The following LTBP2 variants were observed in gnomAD, a reference collection of about 807,000 sequenced individuals.
The protein encoded by LTBP2 is latent transforming growth factor beta binding protein 2.
In LTBP2, 103 loss-of-function variants were observed where a neutral mutation model predicts 210.6. That is an observed-to-expected ratio of 0.49 (90% confidence interval 0.42 to 0.58). The LOEUF (loss-of-function observed/expected upper bound fraction) is 0.58. LTBP2 is among the 20% of genes least tolerant of loss of function. The pLI, the probability that LTBP2 is intolerant of heterozygous loss-of-function variation, is 0.00. For missense variants in LTBP2, 2,313 were observed against 2,494.5 expected (o/e 0.93, Z 1.55); for synonymous variants, 1,007 against 1,015.0 (o/e 0.99, Z 0.15).
Position 74,532,495 on chromosome 14 carries a change from T to G in LTBP2, c.1918A>C (p.Thr640Pro). 1 of 1,614,202 alleles carries G rather than the reference T, an allele frequency of 6.2e-7. No individual in the cohort carries two copies. Among genetic ancestry groups the G allele is most frequent in the Non-Finnish European group, 8.5e-7 (1 of 1,180,026 alleles). ...GLCKDAECVN[T>P]RGSYLCTCRP... The stretch of plus-strand genomic sequence containing the variant: ...CATGTGCACAGGTAGCTGCCCCTGG[T>G]ATTCACACACTCCGCGTCCTTGCAC... Residue 640 changes from threonine (T) to proline (P), a missense_variant, in exon 10 of 36, where the codon ACC becomes CCC. Physicochemically the swap from Thr to Pro is conservative, Grantham distance 38. Around this residue, in one of 3 missense-constraint regions of LTBP2, gnomAD observed 1,867 missense variants for 1,976.9 expected, o/e 0.94. Transcript: ENST00000261978.
At chr14:74,517,441 GCT>G (rs375774149) in intron 17 of LTBP2, among the ~76,000 whole-genome samples, 29 of 152,116 alleles carry the variant, frequency 1.9e-4, no homozygotes, top group African/African-American at 6.0e-4. Flanking sequence ...GCAACCTCCG[GCT>G]CACTGCAACC....
intron 27 of LTBP2, 108 bp from the exon 28 acceptor site, chr14:74,506,299 G>A: frequency 1.4e-6 from 2 of 1,429,390 alleles, no homozygotes; most frequent in Non-Finnish European, 2.0e-6. Context: ...CCTTGGGGAA[G>A]AAACAAGAGT....
At chr14:74,544,706 T>C (rs138178714) in intron 8 of LTBP2, among the ~76,000 whole-genome samples, 1 of 152,234 alleles carries the variant, frequency 6.6e-6, no homozygotes, top group Non-Finnish European at 1.5e-5. Flanking sequence ...TTTTCAAACA[T>C]CTCTAAAAAC....
At position 74,525,192 on chromosome 14, in the gene LTBP2, C is replaced by T. The variant is rs776897363; in HGVS notation, c.2462G>A (p.Gly821Glu). The change falls in exon 15 of 36, where the codon GGG becomes GAG. Residue 821 changes from glycine (G) to glutamate (E), a missense_variant. By Grantham distance (98) the Gly-to-Glu change is moderately conservative. Coordinates refer to ENST00000261978, the MANE Select transcript of LTBP2 (RefSeq NM_000428.3). Reference protein sequence around the residue: ...NATTPPMPEQGIAEIQEEQVT... With the variant: ...NATTPPMPEQEIAEIQEEQVT... ...TTGTTCTTCCTGTATCTCTGCAATC[C>T]CCTGTTCAGGCATTGGTGGGGTTGT... 2.7e-5 allele frequency: 36 copies of T among 1,331,462 alleles called. No homozygotes were observed. In the East Asian group the frequency reaches 9.7e-4, roughly 36 times the overall value. The allele number at this position is 1,331,462 out of a possible 1,614,324, so 82.5% of individuals were successfully genotyped here.
At chr14:74,516,210 C>A (rs1458454733) in intron 18 of LTBP2, among the ~76,000 whole-genome samples, 1 of 152,236 alleles carries the variant, frequency 6.6e-6, no homozygotes, top group African/African-American at 2.4e-5. Flanking sequence ...GACACCCCAG[C>A]CTGACAGGGA....
chr14:74,572,340 A>T (rs199709938), intron 3 of LTBP2, among the ~76,000 whole-genome samples: 127 of 147,074 alleles, frequency 8.6e-4, no homozygotes, highest in African/African-American at 2.7e-3. Context: ...AGAGAGAGAG[A>T]GTGTGTGTGT....
At chr14:74,511,808 G>C (rs1324511694) in intron 18 of LTBP2, among the ~76,000 whole-genome samples, 2 of 152,182 alleles carry the variant, frequency 1.3e-5, no homozygotes, top group Non-Finnish European at 2.9e-5. Context: ...AGGCAACTTG[G>C]GCTTCCTTGC....
intron 3 of LTBP2, among the ~76,000 whole-genome samples, chr14:74,573,924 G>C (rs1029522483): frequency 6.6e-6 from 1 of 152,126 alleles, no homozygotes; most frequent in Admixed American, 6.5e-5. Flanking sequence ...GAACACACTT[G>C]ATAGCACGAC....
At position 74,506,058 on chromosome 14, in the gene LTBP2, C is replaced by CT; in HGVS notation, c.4166_4167insA (p.Ala1391GlyfsTer8). 1.2e-6 allele frequency: 2 copies of CT among 1,614,148 alleles called. No homozygotes were observed. The highest frequency in any genetic ancestry group is 1.7e-6 in the Non-Finnish European group (2 of 1,180,028). ...TCTCCCAGGCCTCACCTCCAGCCCC[C>CT]CGTGGGCGGCAGTGCCCCTCCTGGG... On this transcript the variant is annotated frameshift_variant, in exon 28 of 36. Transcript: ENST00000261978. LOFTEE classifies it high-confidence loss of function.
chr14:74,556,653 A>G (rs1470862899), intron 3 of LTBP2, among the ~76,000 whole-genome samples: 1 of 152,154 alleles, frequency 6.6e-6, no homozygotes, highest in African/African-American at 2.4e-5. Context: ...AGTAGCTAGG[A>G]TTACAGGAGC....
Position 74,500,906 on chromosome 14 carries a change from G to T in LTBP2, c.5444C>A (p.Pro1815His). The change falls in exon 36 of 36, where the codon CCC (proline) becomes CAC (histidine). Residue 1815 changes from proline (P) to histidine (H), a missense_variant. Pro to His is a moderately conservative substitution (Grantham distance 77, BLOSUM62 -2). Transcript: ENST00000261978. ...CTGCTACTCCTTGGCAGTGCAGTGG[G>T]GGGGCCCTGCCTCAGCCACATATCC... is the stretch of plus-strand genomic sequence containing the variant. Reference protein sequence around the residue: ...SPGYVAEAGPPHCTAKE With the variant: ...SPGYVAEAGPHHCTAKE 1 of 1,614,174 alleles carries T rather than the reference G, an allele frequency of 6.2e-7. No homozygotes were observed. Among genetic ancestry groups the T allele is most frequent in the Non-Finnish European group, 8.5e-7 (1 of 1,180,032 alleles).
At chr14:74,596,062 T>C (rs1040613545) in intron 2 of LTBP2, among the ~76,000 whole-genome samples, 6 of 151,662 alleles carry the variant, frequency 4.0e-5, no homozygotes, top group Non-Finnish European at 8.8e-5. Flanking sequence ...AACGTCTCTA[T>C]AAAAATACAA....
Position 74,501,923 on chromosome 14 carries a change from G to A in LTBP2, c.5171-333C>T, listed in dbSNP as rs557136643. 99 of 413,372 alleles carry A rather than the reference G, an allele frequency of 2.4e-4. No homozygotes were observed. The Admixed American group carries it at 2.9e-3, about 12-fold the overall frequency. 25.6% of individuals were successfully genotyped at this position (413,372 alleles called of 1,614,324 possible). ...TGCTACATAGTTTTTGGGTTTGGGC[G>A]TGGGGAAGGGGTGAGGTGTTTTGTT... On this transcript the variant is annotated intron_variant, in intron 34 of 35. Coordinates refer to ENST00000261978, the MANE Select transcript of LTBP2 (RefSeq NM_000428.3).
chr14:74,591,686 T>C (rs1312783539), intron 2 of LTBP2, among the ~76,000 whole-genome samples: 1 of 152,236 alleles, frequency 6.6e-6, no homozygotes, highest in African/African-American at 2.4e-5. Context: ...TTGAAGTATG[T>C]AGACTCCTCT....
intron 3 of LTBP2, among the ~76,000 whole-genome samples, 180 bp from the exon 4 acceptor site, chr14:74,555,873 G>C (rs1338287031): frequency 2.0e-5 from 3 of 152,222 alleles, no homozygotes; most frequent in Non-Finnish European, 4.4e-5. Context: ...ACTGATCTAA[G>C]GCCTGCCGGC....
rs1365870092 is a variant in LTBP2 at position 74,603,505 on chromosome 14, C to T, written c.565+130G>A. 4.1e-5 allele frequency: 36 copies of T among 879,656 alleles called. 1 individual carries two copies. Among genetic ancestry groups the T allele is most frequent in the Middle Eastern group, 2.1e-4 (1 of 4,736 alleles). The allele number at this position is 879,656 out of a possible 1,614,324, so 54.5% of individuals were successfully genotyped here. A position where few individuals can be genotyped will look rare whatever the true frequency, so the allele number is the denominator to read the frequency against. ...TTAAATAGGGGCTGCATCTTCAGGA[C>T]GCAGACTAGGAAAGACGCTTCTGCT... On this transcript the variant is annotated intron_variant, in intron 2 of 35. Transcript: ENST00000261978.
At chr14:74,540,737 C>T (rs1407705514) in intron 8 of LTBP2, among the ~76,000 whole-genome samples, 1 of 133,308 alleles carries the variant, frequency 7.5e-6, no homozygotes, top group Non-Finnish European at 1.6e-5. Context: ...TGCACTCCAG[C>T]CTGGGCAACA....
chr14:74,547,908 A>G (rs2139742009), intron 8 of LTBP2, among the ~76,000 whole-genome samples: 1 of 152,278 alleles, frequency 6.6e-6, no homozygotes, highest in East Asian at 1.9e-4. Context: ...TTTCTACAGG[A>G]GAGCCAGGGC....
chr14:74,600,159 G>A (rs530077373), intron 2 of LTBP2, among the ~76,000 whole-genome samples: 5 of 152,276 alleles, frequency 3.3e-5, no homozygotes, highest in Middle Eastern at 3.4e-3. Flanking sequence ...ACACCCCACC[G>A]CCCGCCTGCG....
Sources: allele counts gnomAD v4.1 joint callset (sites outside exome capture counted in the v4.1 genomes callset), GRCh38; gene constraint gnomAD v4.1.1; regional missense constraint gnomAD v4.1.1; transcripts MANE v1.5; gene names NCBI Gene and HGNC (gene_info 2026-07-23, HGNC 2026-07-21).